Variants in CTNNA2 observed in about 807,000 individuals in gnomAD.
CTNNA2 encodes the protein catenin alpha-2.
In CTNNA2, 42 loss-of-function variants were observed where a neutral mutation model predicts 101.0. The observed-to-expected ratio is 0.42, with a 90% CI of 0.32 to 0.54. The LOEUF (loss-of-function observed/expected upper bound fraction) is 0.54, where lower values mean the gene tolerates loss of function less well. Among genes scored for constraint, CTNNA2 ranks in the 20% least tolerant of loss-of-function variants. CTNNA2 has a pLI of 0.14. For synonymous variants in CTNNA2, 450 were observed against 456.4 expected (o/e 0.99, Z 0.18); for missense variants, 871 against 1,223.1 (o/e 0.71, Z 4.29).
At chr2:80,523,490 T>C (rs1689753695) in intron 9 of CTNNA2, among the ~76,000 whole-genome samples, 1 of 152,146 alleles carries the variant, frequency 6.6e-6, no homozygotes, top group East Asian at 1.9e-4. Flanking sequence ...ATAAGGTAGA[T>C]GGAAAGAGGA....
chr2:79,286,238 C>T (rs148514272), intron 2 of CTNNA2, among the ~76,000 whole-genome samples: 1 of 152,092 alleles, frequency 6.6e-6, no homozygotes, highest in Non-Finnish European at 1.5e-5. Context: ...TTAATTGGAG[C>T]ATTTAGTCCA....
At chr2:79,672,868 C>G (rs796680149) in intron 2 of CTNNA2, among the ~76,000 whole-genome samples, 15 of 151,996 alleles carry the variant, frequency 9.9e-5, no homozygotes, top group African/African-American at 3.6e-4. Flanking sequence ...TGCCACCATG[C>G]CCAGCTAATT....
chr2:79,734,761 T>C (rs567905690), intron 2 of CTNNA2, among the ~76,000 whole-genome samples: 1 of 152,172 alleles, frequency 6.6e-6, no homozygotes, highest in African/African-American at 2.4e-5. Flanking sequence ...TTGAAGTCAG[T>C]ACAAAAAGGA....
intron 7 of CTNNA2, among the ~76,000 whole-genome samples, chr2:80,196,366 ACTATGCTATTT>A (rs1243569285): frequency 6.6e-6 from 1 of 152,106 alleles, no homozygotes; most frequent in African/African-American, 2.4e-5. Flanking sequence ...ACATGAGCAA[ACTATGCTATTT>A]CCTGTGACCT....
intron 7 of CTNNA2, among the ~76,000 whole-genome samples, chr2:80,360,570 C>T (rs936376845): frequency 3.3e-5 from 5 of 152,122 alleles, no homozygotes; most frequent in East Asian, 1.9e-4. Context: ...ATAATACTAA[C>T]AGAGTTTGAG....
intron 4 of CTNNA2, among the ~76,000 whole-genome samples, chr2:79,383,612 T>C (rs1359527887): frequency 6.6e-6 from 1 of 152,140 alleles, no homozygotes; most frequent in African/African-American, 2.4e-5. Flanking sequence ...AGGCAGATGT[T>C]AAAAAACCCA....
At chr2:79,535,554 TAGA>T (rs781126055) in intron 1 of CTNNA2, among the ~76,000 whole-genome samples, 68 of 152,228 alleles carry the variant, frequency 4.5e-4, no homozygotes, top group Non-Finnish European at 6.9e-4. Flanking sequence ...TTATTATAAG[TAGA>T]ATGTAAAACT....
intron 9 of CTNNA2, among the ~76,000 whole-genome samples, chr2:80,484,550 G>T (rs984999379): frequency 6.6e-6 from 1 of 152,188 alleles, no homozygotes; most frequent in African/African-American, 2.4e-5. Flanking sequence ...TATAGCACAT[G>T]AATGGGAGGG....
intron 3 of CTNNA2, among the ~76,000 whole-genome samples, chr2:79,362,493 A>C (rs2104448137): frequency 6.6e-6 from 1 of 152,250 alleles, no homozygotes; most frequent in Non-Finnish European, 1.5e-5. Flanking sequence ...ACTGGTAGCA[A>C]GTGAATTCAC....
intron 7 of CTNNA2, among the ~76,000 whole-genome samples, chr2:80,286,480 T>C (rs1365479454): frequency 6.6e-6 from 1 of 152,210 alleles, no homozygotes; most frequent in Non-Finnish European, 1.5e-5. Flanking sequence ...AATTAGATTC[T>C]GGATTGTCCT....
intron 7 of CTNNA2, among the ~76,000 whole-genome samples, chr2:79,996,552 C>T (rs1692558115): frequency 6.6e-6 from 1 of 152,148 alleles, no homozygotes; most frequent in Non-Finnish European, 1.5e-5. Context: ...ATTGCTTGAC[C>T]TTTATCAGAA....
chr2:79,570,272 T>C (rs1029914900), intron 1 of CTNNA2, among the ~76,000 whole-genome samples: 10 of 152,200 alleles, frequency 6.6e-5, no homozygotes, highest in Non-Finnish European at 1.3e-4. Flanking sequence ...GTTTTCTCTC[T>C]GATAATATAG....
At chr2:79,610,046 C>G (rs1028967709) in intron 1 of CTNNA2, among the ~76,000 whole-genome samples, 2 of 151,844 alleles carry the variant, frequency 1.3e-5, no homozygotes, top group African/African-American at 4.8e-5. Context: ...GAACTTATGT[C>G]CAGAATGTAT....
At chr2:79,225,728 C>G (rs1674400482) in intron 2 of CTNNA2, among the ~76,000 whole-genome samples, 1 of 152,114 alleles carries the variant, frequency 6.6e-6, no homozygotes, top group Non-Finnish European at 1.5e-5. Context: ...TTGGTTTCCA[C>G]TGGGAAAATA....
At chr2:79,239,658 T>C (rs929307294) in intron 2 of CTNNA2, among the ~76,000 whole-genome samples, 3 of 152,030 alleles carry the variant, frequency 2.0e-5, no homozygotes, top group African/African-American at 7.2e-5. Context: ...CATGACAAAA[T>C]TGCCAAAAGC....
At chr2:80,126,165 T>G (rs1217000485) in intron 7 of CTNNA2, among the ~76,000 whole-genome samples, 1 of 152,152 alleles carries the variant, frequency 6.6e-6, no homozygotes, top group East Asian at 1.9e-4. Flanking sequence ...TCCCCTCTTT[T>G]TTCTGAAAAG....
At chr2:80,446,234 C>T (rs1277757460) in intron 9 of CTNNA2, among the ~76,000 whole-genome samples, 1 of 152,166 alleles carries the variant, frequency 6.6e-6, no homozygotes, top group Non-Finnish European at 1.5e-5. Flanking sequence ...TTGTAGAATG[C>T]ATGTTCCCAG....
intron 1 of CTNNA2, among the ~76,000 whole-genome samples, chr2:79,648,694 T>A (rs1219487938): frequency 6.6e-6 from 1 of 152,118 alleles, no homozygotes; most frequent in Non-Finnish European, 1.5e-5. Flanking sequence ...ATCTTACATA[T>A]CAACATCATG....
upstream of CTNNA2, among the ~76,000 whole-genome samples, chr2:79,509,424 G>A (rs1394348757): frequency 1.3e-5 from 2 of 152,098 alleles, no homozygotes; most frequent in African/African-American, 4.8e-5. Context: ...ATATTATTCA[G>A]TGCTAAAAAC....
Sources: gnomAD v4.1 joint callset for allele counts (sites outside exome capture counted in the v4.1 genomes callset) on GRCh38, gnomAD v4.1.1 for gene constraint, MANE v1.5 for transcripts, NCBI Gene and HGNC (gene_info 2026-07-23, HGNC 2026-07-21) for gene names.